PPP2R5E: variants seen among roughly 807,000 people sequenced by gnomAD.
The protein encoded by PPP2R5E is protein phosphatase 2 regulatory subunit B'epsilon, also known as serine/threonine-protein phosphatase 2A 56 kDa regulatory subunit epsilon isoform.
Under a neutral mutation model 65.3 loss-of-function variants are expected in PPP2R5E, and 4 were observed. The observed-to-expected ratio is 0.06, with a 90% CI of 0.03 to 0.14. The LOEUF is 0.14. Ranked by LOEUF, PPP2R5E falls within the 10% of genes least tolerant of loss-of-function variation. The probability of loss-of-function intolerance (pLI) is 1.00; values close to 1 mark genes in which losing one functional copy is unlikely to be tolerated. For missense variants in PPP2R5E, 274 were observed against 556.1 expected (o/e 0.49, Z 5.10); for synonymous variants, 183 against 187.4 (o/e 0.98, Z 0.19).
At chr14:63,530,308 C>T (rs1442506525) in intron 2 of PPP2R5E, among the ~76,000 whole-genome samples, 1 of 145,892 alleles carries the variant, frequency 6.9e-6, no homozygotes, top group African/African-American at 2.5e-5. Context: ...TCTCAGCTCA[C>T]TGCAACCTCT....
At chr14:63,523,577 G>A (rs1015629707) in intron 2 of PPP2R5E, among the ~76,000 whole-genome samples, 7 of 147,950 alleles carry the variant, frequency 4.7e-5, no homozygotes, top group Admixed American at 6.7e-5. Context: ...ACTGCGGAAG[G>A]CCGCAGGGTC....
chr14:63,486,704 A>G (rs1195571689), intron 2 of PPP2R5E, among the ~76,000 whole-genome samples: 2 of 152,054 alleles, frequency 1.3e-5, no homozygotes, highest in East Asian at 3.9e-4. Flanking sequence ...CATCCCGCAT[A>G]AACTTTAAGT....
intron 2 of PPP2R5E, among the ~76,000 whole-genome samples, chr14:63,478,688 C>A (rs1288591050): frequency 6.6e-6 from 1 of 152,066 alleles, no homozygotes; most frequent in African/African-American, 2.4e-5. Flanking sequence ...CTTTGGGGAT[C>A]CCCAAAGCAT....
chr14:63,531,901 C>G (rs1893453815), intron 2 of PPP2R5E, among the ~76,000 whole-genome samples: 1 of 151,534 alleles, frequency 6.6e-6, no homozygotes, highest in Non-Finnish European at 1.5e-5. Context: ...TGCACTGAGC[C>G]GAGATGGGGC....
chr14:63,493,864 T>C lies in PPP2R5E; in HGVS notation c.158-39979A>G, dbSNP rs151172876. 3.2e-4 allele frequency among the ~76,000 whole-genome samples: 49 copies of C among 152,288 alleles called. 1 individual carries two copies. The highest frequency in any genetic ancestry group is 1.2e-3 in the African/African-American group (49 of 41,564). ...AGATTAACCAGTAATGATGGTCAAG[T>C]ATTCAGATGATGTTCCAACTCCTAA... On this transcript the variant is annotated intron_variant, in intron 2 of 13. Coordinates refer to ENST00000337537, the MANE Select transcript of PPP2R5E (RefSeq NM_006246.5).
intron 5 of PPP2R5E, among the ~76,000 whole-genome samples, chr14:63,398,922 G>A (rs1353872701): frequency 1.3e-5 from 2 of 152,212 alleles, no homozygotes; most frequent in Admixed American, 1.3e-4. Flanking sequence ...TTGTTGGTAA[G>A]AATGTAAAAT....
chr14:63,453,369 C>G (rs547545306), intron 3 of PPP2R5E: 12 of 177,300 alleles, frequency 6.8e-5, no homozygotes, highest in Non-Finnish European at 1.3e-4. Flanking sequence ...TTTTCAAACA[C>G]GGATCTAAGA....
intron 5 of PPP2R5E, among the ~76,000 whole-genome samples, chr14:63,402,218 CAGCCTCAAGAG>C (rs1267930327): frequency 6.6e-6 from 1 of 152,180 alleles, no homozygotes; most frequent in African/African-American, 2.4e-5. Flanking sequence ...AAGAAACTGA[CAGCCTCAAGAG>C]GAAAGACCTA....
chr14:63,528,140 C>T (rs1263188291), intron 2 of PPP2R5E, among the ~76,000 whole-genome samples: 1 of 152,000 alleles, frequency 6.6e-6, no homozygotes, highest in Non-Finnish European at 1.5e-5. Flanking sequence ...TCATCACTTG[C>T]AAACAAAAGA....
At chr14:63,498,182 GT>G (rs1256100885) in intron 2 of PPP2R5E, among the ~76,000 whole-genome samples, 1 of 152,028 alleles carries the variant, frequency 6.6e-6, no homozygotes, top group East Asian at 1.9e-4. Context: ...TAAAATGTTT[GT>G]TTTTTTCTTG....
intron 2 of PPP2R5E, among the ~76,000 whole-genome samples, chr14:63,468,918 A>T (rs1889973625): frequency 6.6e-6 from 1 of 152,150 alleles, no homozygotes; most frequent in Admixed American, 6.5e-5. Context: ...TTTTCCCCAC[A>T]CACTCTGTTA....
At chr14:63,473,887 G>A (rs896496607) in intron 2 of PPP2R5E, among the ~76,000 whole-genome samples, 2 of 152,090 alleles carry the variant, frequency 1.3e-5, no homozygotes, top group Non-Finnish European at 2.9e-5. Context: ...AATAGTGAAA[G>A]GTAAAGAGAA....
chr14:63,514,016 G>A (rs1892564347), intron 2 of PPP2R5E, among the ~76,000 whole-genome samples: 2 of 152,314 alleles, frequency 1.3e-5, no homozygotes. Context: ...CAAAGTGTCA[G>A]GTTAATGCCA....
intron 5 of PPP2R5E, among the ~76,000 whole-genome samples, chr14:63,397,640 C>T (rs912526483): frequency 2.0e-5 from 3 of 151,294 alleles, no homozygotes; most frequent in African/African-American, 7.3e-5. Context: ...TAGATCCAGA[C>T]TCTTGTTATG....
chr14:63,392,696 AT>A (rs2139783151), intron 8 of PPP2R5E, among the ~76,000 whole-genome samples: 1 of 152,358 alleles, frequency 6.6e-6, no homozygotes, highest in South Asian at 2.1e-4. Flanking sequence ...GCAAAAGAAC[AT>A]TTTGATGGTG....
At chr14:63,506,125 C>T (rs1411808979) in intron 2 of PPP2R5E, among the ~76,000 whole-genome samples, 2 of 151,978 alleles carry the variant, frequency 1.3e-5, no homozygotes, top group African/African-American at 4.8e-5. Context: ...GGGACTTATA[C>T]CCAGAATATA....
intron 2 of PPP2R5E, among the ~76,000 whole-genome samples, chr14:63,476,692 G>A (rs1566731606): frequency 6.6e-6 from 1 of 152,070 alleles, no homozygotes; most frequent in Non-Finnish European, 1.5e-5. Context: ...TACCAGCACA[G>A]AGAACCCTAT....
At chr14:63,400,857 T>A (rs1233936156) in intron 5 of PPP2R5E, among the ~76,000 whole-genome samples, 1 of 152,148 alleles carries the variant, frequency 6.6e-6, no homozygotes, top group African/African-American at 2.4e-5. Flanking sequence ...TTTTTTAAAT[T>A]TCGTTTCTAC....
intron 8 of PPP2R5E, among the ~76,000 whole-genome samples, chr14:63,392,312 T>C (rs1276545407): frequency 6.6e-6 from 1 of 152,198 alleles, no homozygotes; most frequent in Non-Finnish European, 1.5e-5. Flanking sequence ...ATTCAGCATA[T>C]TGTGGAATTA....
Sources: allele counts gnomAD v4.1 joint callset (sites outside exome capture counted in the v4.1 genomes callset), GRCh38; gene constraint gnomAD v4.1.1; transcripts MANE v1.5; gene names NCBI Gene and HGNC (gene_info 2026-07-23, HGNC 2026-07-21).